The following PCLO variants were observed in gnomAD, a reference collection of about 807,000 sequenced individuals.
PCLO encodes the protein piccolo presynaptic cytomatrix protein.
A neutral mutation model predicts 427.5 loss-of-function variants in PCLO; 82 were observed. That is an observed-to-expected ratio of 0.19 (90% confidence interval 0.16 to 0.23). PCLO has a LOEUF of 0.23. PCLO is among the 10% of genes least tolerant of loss of function. The probability of loss-of-function intolerance (pLI) is 1.00; values close to 1 mark genes in which losing one functional copy is unlikely to be tolerated. For synonymous variants in PCLO, 2,357 were observed against 2,155.4 expected (o/e 1.09, Z -2.59); for missense variants, 6,239 against 6,115.9 (o/e 1.02, Z -0.67).
chr7:82,956,031 G>C lies in PCLO; in HGVS notation c.4922C>G (p.Pro1641Arg). Reference sequence around the variant, plus strand: ...TTTAGTTTCTCTGTATTTAAGTTCAGGACTTTCATCAAATGCTTCATCGTC... The same window carrying C: ...TTTAGTTTCTCTGTATTTAAGTTCACGACTTTCATCAAATGCTTCATCGTC... The part of the protein sequence containing the change: ...DEDDEAFDES[P>R]ELKYRETKSQ... The change falls in exon 5 of 25, where the codon CCT becomes CGT. Residue 1641 changes from proline to arginine, a missense_variant. Transcript: ENST00000333891. 1 of 1,613,062 alleles carries C rather than the reference G, an allele frequency of 6.2e-7. No homozygotes were observed. Among genetic ancestry groups the C allele is most frequent in the Non-Finnish European group, 8.5e-7 (1 of 1,179,850 alleles).
intron 3 of PCLO, among the ~76,000 whole-genome samples, chr7:83,111,008 G>A (rs1484359854): frequency 2.6e-5 from 4 of 152,140 alleles, no homozygotes; most frequent in Non-Finnish European, 1.5e-5. Context: ...AGACCTTAAA[G>A]GAGAGATGAT....
At position 82,838,288 on chromosome 7, in the gene PCLO, T is replaced by A. The variant is rs762654011; in HGVS notation, c.14152A>T (p.Asn4718Tyr). 1 of 1,570,590 alleles carries A rather than the reference T, an allele frequency of 6.4e-7. No homozygotes were observed. The highest frequency in any genetic ancestry group is 8.7e-7 in the Non-Finnish European group (1 of 1,147,220). Residue 4718 changes from asparagine to tyrosine, a missense_variant, in exon 15 of 25, where the codon AAT (asparagine) becomes TAT (tyrosine). Transcript: ENST00000333891. ...NLIIHILQAR[N>Y]LVPRDNNGYS... ...CCATTGTTGTCTCGAGGAACAAGATTTCTTGCTTGGAGAATATGTATTATG... is the reference window on the plus strand; with the variant it reads ...CCATTGTTGTCTCGAGGAACAAGATATCTTGCTTGGAGAATATGTATTATG...
In PCLO at chr7:83,058,073, T is replaced by C. The variant is rs141151873; in HGVS notation, c.3300+76177A>G. On this transcript the variant is annotated intron_variant, in intron 3 of 24. Coordinates refer to ENST00000333891, the MANE Select transcript of PCLO (RefSeq NM_033026.6). Reference sequence around the variant, plus strand: ...AAGAAGAGAAGCTTGGTAGGGTCTTTTAAAAGCTTTCACATGTATTTAAGG... The same window carrying C: ...AAGAAGAGAAGCTTGGTAGGGTCTTCTAAAAGCTTTCACATGTATTTAAGG... 4.7e-3 allele frequency among the ~76,000 whole-genome samples: 716 copies of C among 152,290 alleles called. 5 individuals carry two copies. Among genetic ancestry groups the C allele is most frequent in the African/African-American group, 0.017 (690 of 41,574 alleles).
At chr7:83,115,131 G>C (rs1562970826) in intron 3 of PCLO, among the ~76,000 whole-genome samples, 1 of 151,646 alleles carries the variant, frequency 6.6e-6, no homozygotes, top group East Asian at 1.9e-4. Context: ...TATGTAAATA[G>C]AAAAAAAATA....
At chr7:82,854,845 G>T (rs1792761609) in intron 10 of PCLO, among the ~76,000 whole-genome samples, 1 of 152,084 alleles carries the variant, frequency 6.6e-6, no homozygotes, top group Non-Finnish European at 1.5e-5. Context: ...CAAATTTTGT[G>T]AAGAACAAGC....
At chr7:83,132,728 A>G (rs1791605403) in intron 3 of PCLO, among the ~76,000 whole-genome samples, 1 of 152,122 alleles carries the variant, frequency 6.6e-6, no homozygotes, top group Non-Finnish European at 1.5e-5. Flanking sequence ...CAAAAAGTAT[A>G]GTTTTGTTTT....
chr7:82,979,996 C>G (rs1042149061), intron 3 of PCLO, among the ~76,000 whole-genome samples: 2 of 152,086 alleles, frequency 1.3e-5, no homozygotes, highest in African/African-American at 4.8e-5. Flanking sequence ...CTGATGGATC[C>G]TAACAACCAG....
chr7:83,070,471 T>C (rs1168959960), intron 3 of PCLO, among the ~76,000 whole-genome samples: 2 of 150,578 alleles, frequency 1.3e-5, no homozygotes, highest in African/African-American at 2.4e-5. Flanking sequence ...CAGTGCAAGC[T>C]CTGCCTCCCG....
intron 22 of PCLO, among the ~76,000 whole-genome samples, chr7:82,794,771 G>A (rs1231718259): frequency 6.6e-6 from 1 of 151,736 alleles, no homozygotes; most frequent in African/African-American, 2.4e-5. Context: ...ACTGCGCCTG[G>A]CTCTCCAGTT....
At chr7:83,085,063 G>A (rs1056798273) in intron 3 of PCLO, among the ~76,000 whole-genome samples, 4 of 152,218 alleles carry the variant, frequency 2.6e-5, no homozygotes, top group African/African-American at 9.6e-5. Context: ...TCTTCCCTGT[G>A]TGCTTATCGT....
Position 82,914,715 on chromosome 7 carries a change from T to C in PCLO, c.13271A>G (p.Asp4424Gly). 1 of 1,613,138 alleles carries C rather than the reference T, an allele frequency of 6.2e-7. No individual in the cohort carries two copies. Among genetic ancestry groups the C allele is most frequent in the Non-Finnish European group, 8.5e-7 (1 of 1,179,550 alleles). The change falls in exon 7 of 25, where the codon GAC becomes GGC. Residue 4424 changes from aspartate to glycine, a missense_variant. Around this residue, in one of 5 missense-constraint regions of PCLO, gnomAD observed 877 missense variants for 925.5 expected, o/e 0.95. Transcript: ENST00000333891. Reference sequence around the variant, plus strand: ...ACTGTCTGACATGGCATGTTGGAAGTCATCCATGATGAATGCTATGTCACG... The same window carrying C: ...ACTGTCTGACATGGCATGTTGGAAGCCATCCATGATGAATGCTATGTCACG... ...YDRDIAFIMD[D>G]FQHAMSDSEA... is the part of the protein sequence containing the mutation.
intron 6 of PCLO, among the ~76,000 whole-genome samples, chr7:82,938,628 A>C (rs544815921): frequency 2.6e-5 from 4 of 152,112 alleles, no homozygotes; most frequent in Non-Finnish European, 5.9e-5. Context: ...AAAAACATTT[A>C]CTTAAAGACT....
chr7:82,871,345 GC>G (rs1793231783), intron 10 of PCLO, among the ~76,000 whole-genome samples: 1 of 151,910 alleles, frequency 6.6e-6, no homozygotes, highest in African/African-American at 2.4e-5. Flanking sequence ...AGTGAAATAA[GC>G]CAGACACAGA....
At chr7:83,070,652 G>A (rs1789790736) in intron 3 of PCLO, among the ~76,000 whole-genome samples, 1 of 152,202 alleles carries the variant, frequency 6.6e-6, no homozygotes, top group Non-Finnish European at 1.5e-5. Context: ...CTCCCAGAGT[G>A]CTGGGATTAC....
At chr7:82,935,556 T>A (rs1794932344) in intron 6 of PCLO, among the ~76,000 whole-genome samples, 1 of 151,632 alleles carries the variant, frequency 6.6e-6, no homozygotes, top group Admixed American at 6.6e-5. Flanking sequence ...TTTTGTTTAA[T>A]ATTAAAAAAA....
intron 3 of PCLO, among the ~76,000 whole-genome samples, chr7:83,069,675 T>A (rs190543953): frequency 6.6e-6 from 1 of 152,152 alleles, no homozygotes; most frequent in East Asian, 1.9e-4. Context: ...GCCTAGGACA[T>A]AGTAAGTTTT....
intron 3 of PCLO, among the ~76,000 whole-genome samples, chr7:83,029,396 C>T (rs1293968047): frequency 6.7e-6 from 1 of 148,316 alleles, no homozygotes; most frequent in East Asian, 2.0e-4. Context: ...AAATGCAAAT[C>T]AAAACCACAA....
chr7:82,966,002 A>T lies in PCLO; in HGVS notation c.3786T>A (p.His1262Gln), dbSNP rs1273396734. The T allele has an allele frequency of 6.2e-7, 1 of 1,613,598 alleles. No homozygotes were observed. Among genetic ancestry groups the T allele is most frequent in the Non-Finnish European group, 8.5e-7 (1 of 1,179,810 alleles). The stretch of plus-strand genomic sequence containing the variant: ...TTTGTACTTGAGATTTAAGTAAGTC[A>T]TGTTTCTGTTCTTCTGGGGCTGATG... Reference protein sequence around the residue: ...AKTSAPEEQKHDLLKSQVQIA... With the variant: ...AKTSAPEEQKQDLLKSQVQIA... Residue 1262 changes from histidine (H) to glutamine (Q), a missense_variant, in exon 4 of 25, where the codon CAT becomes CAA. Coordinates refer to ENST00000333891, the MANE Select transcript of PCLO (RefSeq NM_033026.6).
At chr7:82,897,900 A>T (rs1253273832) in intron 9 of PCLO, among the ~76,000 whole-genome samples, 1 of 151,430 alleles carries the variant, frequency 6.6e-6, no homozygotes, top group Non-Finnish European at 1.5e-5. Context: ...ATTACTGATT[A>T]TCTCAAGGAG....
Sources: allele counts gnomAD v4.1 joint callset (sites outside exome capture counted in the v4.1 genomes callset), GRCh38; gene constraint gnomAD v4.1.1; regional missense constraint gnomAD v4.1.1; transcripts MANE v1.5; gene names NCBI Gene and HGNC (gene_info 2026-07-23, HGNC 2026-07-21).